Variants in SCN7A observed in about 807,000 individuals in gnomAD.
The protein encoded by SCN7A is sodium voltage-gated channel alpha subunit 7.
Under a neutral mutation model 155.2 loss-of-function variants are expected in SCN7A, and 138 were observed. That is an observed-to-expected ratio of 0.89 (90% CI 0.77 to 1.02). The LOEUF (loss-of-function observed/expected upper bound fraction) is 1.02, where lower values mean the gene tolerates loss of function less well. SCN7A is among the 50% of genes least tolerant of loss of function. The probability of loss-of-function intolerance (pLI) is 0.00; values close to 1 mark genes in which losing one functional copy is unlikely to be tolerated. For missense variants in SCN7A, 2,058 were observed against 1,986.6 expected (o/e 1.04, Z -0.68); for synonymous variants, 693 against 649.0 (o/e 1.07, Z -1.03).
chr2:166,484,482 G>A (rs1703002496), intron 2 of SCN7A, among the ~76,000 whole-genome samples: 1 of 151,756 alleles, frequency 6.6e-6, no homozygotes, highest in Non-Finnish European at 1.5e-5. Context: ...AGGATTATGT[G>A]TATTTGCAAA....
At chr2:166,449,595 C>A (rs1462187676) in intron 11 of SCN7A, among the ~76,000 whole-genome samples, 1 of 152,074 alleles carries the variant, frequency 6.6e-6, no homozygotes, top group African/African-American at 2.4e-5. Flanking sequence ...CTCTGCAGGT[C>A]TACAGAGCTC....
intron 18 of SCN7A, 101 bp downstream of exon 18, chr2:166,427,687 A>ATTT (rs1701652915): frequency 1.9e-6 from 2 of 1,065,216 alleles, no homozygotes; most frequent in Non-Finnish European, 2.7e-6. Context: ...GCTATACTAA[A>ATTT]TATCCTTGGA....
intron 1 of SCN7A, among the ~76,000 whole-genome samples, chr2:166,489,954 A>G (rs941931546): frequency 1.3e-5 from 2 of 151,974 alleles, no homozygotes; most frequent in African/African-American, 4.8e-5. Flanking sequence ...CTAATTGATA[A>G]ATAGTAATTA....
At chr2:166,425,950 G>C (rs577752189) in intron 18 of SCN7A, among the ~76,000 whole-genome samples, 1 of 150,204 alleles carries the variant, frequency 6.7e-6, no homozygotes, top group South Asian at 2.1e-4. Flanking sequence ...ATAATGTGTT[G>C]ACATGGGGGT....
chr2:166,418,540 A>T (rs534171757), intron 20 of SCN7A, among the ~76,000 whole-genome samples: 71 of 151,644 alleles, frequency 4.7e-4, no homozygotes, highest in Non-Finnish European at 3.5e-4. Context: ...TCCTTCAGCC[A>T]TTACTAGATA....
At chr2:166,489,948 T>C (rs983835726) in intron 1 of SCN7A, among the ~76,000 whole-genome samples, 12 of 152,016 alleles carry the variant, frequency 7.9e-5, no homozygotes, top group Non-Finnish European at 1.3e-4. Flanking sequence ...TTGTCTCTAA[T>C]TGATAAATAG....
chr2:166,456,812 A>T (rs1466520983), intron 11 of SCN7A, 58 bp downstream of exon 11: 9 of 306,920 alleles, frequency 2.9e-5, no homozygotes, highest in Non-Finnish European at 4.5e-5. Flanking sequence ...AAATATATAT[A>T]TATATATATA....
rs78403942 is a variant in SCN7A at position 166,444,775 on chromosome 2, T to C, written c.1613A>G (p.Asn538Ser). 969 of 1,571,676 alleles carry C rather than the reference T, an allele frequency of 6.2e-4. 3 individuals carry two copies. In the East Asian group the frequency reaches 0.014, roughly 23 times the overall value. The stretch of plus-strand genomic sequence containing the variant: ...TGAGAGTCTTACCAGGTTTCCAATG[T>C]TGAGAAGAGTGTTAGTTTGTTTACT... ...PMSKQTNTLL[N>S]IGNLVFIGIF... Residue 538 changes from asparagine (N) to serine (S), a missense_variant, in exon 13 of 26, where the codon AAC becomes AGC. Transcript: ENST00000643258.
At chr2:166,441,187 A>G (rs1575028931) in intron 15 of SCN7A, 2 of 454,728 alleles carry the variant, frequency 4.4e-6, no homozygotes, top group East Asian at 3.3e-5. Context: ...TTTGTGTAAG[A>G]CTTCAAATCT....
chr2:166,436,679 C>T (rs1045386853), intron 15 of SCN7A, among the ~76,000 whole-genome samples: 1 of 152,138 alleles, frequency 6.6e-6, no homozygotes, highest in African/African-American at 2.4e-5. Flanking sequence ...TTGGAACTTC[C>T]TAGAGACTTG....
In SCN7A at chr2:166,469,460, T is replaced by C. The variant is rs189014112; in HGVS notation, c.664+1155A>G. ...TAAGCACATTTATTTTAAAAGAGGA[T>C]ACTTTCTTTCTATTAAATATATGTT... On this transcript the variant is annotated intron_variant, in intron 7 of 25. Transcript: ENST00000643258. Among the ~76,000 whole-genome samples the C allele has an allele frequency of 4.8e-3, 727 of 152,000 alleles. 5 individuals carry two copies. Among genetic ancestry groups the C allele is most frequent in the African/African-American group, 0.017 (687 of 41,540 alleles).
chr2:166,445,190 C>T (rs1025133042), intron 12 of SCN7A, among the ~76,000 whole-genome samples, 190 bp from the exon 13 acceptor site: 3 of 151,970 alleles, frequency 2.0e-5, no homozygotes, highest in African/African-American at 7.3e-5. Context: ...GTGGTGGATG[C>T]CTGTAACCCC....
chr2:166,473,514 G>A (rs1002890280), intron 5 of SCN7A, among the ~76,000 whole-genome samples: 13 of 151,604 alleles, frequency 8.6e-5, no homozygotes, highest in African/African-American at 2.9e-4. Context: ...CTACTGGTAT[G>A]TCCTAGGAAA....
chr2:166,492,377 C>T (rs1427907333), intron 1 of SCN7A, among the ~76,000 whole-genome samples: 1 of 152,128 alleles, frequency 6.6e-6, no homozygotes, highest in Non-Finnish European at 1.5e-5. Context: ...AGTATTTATG[C>T]CTAAATTTTG....
Position 166,427,794 on chromosome 2 carries a change from GC to G in SCN7A, c.2846del (p.Gly949AlafsTer20). The G allele has an allele frequency of 6.2e-7, 1 of 1,608,522 alleles. No individual in the cohort carries two copies. Among genetic ancestry groups the G allele is most frequent in the Non-Finnish European group, 8.5e-7 (1 of 1,176,918 alleles). On this transcript the variant is annotated frameshift_variant, in exon 18 of 26. Coordinates refer to ENST00000643258, the MANE Select transcript of SCN7A (RefSeq NM_002976.4). LOFTEE classifies it high-confidence loss of function. ...ACCCTGGCTGCCCACTTACCAGAGT[GC>G]CAGTGCTGAGCAGAGTAACAAGCCC... ...FIGLVTLLST[G>X]TLAFEDIYMD... is the part of the protein sequence containing the mutation.
intron 1 of SCN7A, among the ~76,000 whole-genome samples, chr2:166,491,560 G>T (rs1683105093): frequency 1.3e-5 from 2 of 152,164 alleles, no homozygotes; most frequent in South Asian, 4.1e-4. Flanking sequence ...GCCCTCAGAT[G>T]AAATCTTATC....
intron 2 of SCN7A, among the ~76,000 whole-genome samples, chr2:166,480,273 C>T (rs541814261): frequency 2.0e-4 from 30 of 152,092 alleles, no homozygotes; most frequent in African/African-American, 5.5e-4. Flanking sequence ...CTGACTAACA[C>T]GGTGAAACCC....
chr2:166,434,558 C>G (rs1701798988), intron 15 of SCN7A, among the ~76,000 whole-genome samples: 1 of 152,128 alleles, frequency 6.6e-6, no homozygotes, highest in African/African-American at 2.4e-5. Flanking sequence ...ACCTTTGATC[C>G]TTTCTGTTCT....
At chr2:166,487,197 C>G (rs1288939218) in intron 1 of SCN7A, among the ~76,000 whole-genome samples, 1 of 152,172 alleles carries the variant, frequency 6.6e-6, no homozygotes, top group Non-Finnish European at 1.5e-5. Context: ...CTATTAATTA[C>G]ATCCTTTTTC....
Sources: gnomAD v4.1 joint callset for allele counts (sites outside exome capture counted in the v4.1 genomes callset) on GRCh38, gnomAD v4.1.1 for gene constraint, MANE v1.5 for transcripts, NCBI Gene and HGNC (gene_info 2026-07-23, HGNC 2026-07-21) for gene names.